DIAPH2: variants seen among roughly 807,000 people sequenced by gnomAD.
DIAPH2 encodes protein diaphanous homolog 2.
DIAPH2 carries 35 observed loss-of-function variants against 92.7 expected under a neutral mutation model. The observed-to-expected ratio is 0.38, with a 90% CI of 0.29 to 0.50. The LOEUF is 0.50. Ranked by LOEUF, DIAPH2 falls within the 20% of genes least tolerant of loss-of-function variation. The pLI, the probability that DIAPH2 is intolerant of heterozygous loss-of-function variation, is 0.94. For missense variants in DIAPH2, 701 were observed against 819.5 expected (o/e 0.86, Z 1.77); for synonymous variants, 301 against 280.4 (o/e 1.07, Z -0.73).
intron 4 of DIAPH2, among the ~76,000 whole-genome samples, chrX:96,815,705 G>A (rs776952957): frequency 1.1e-4 from 12 of 111,049 alleles, no homozygotes; most frequent in South Asian, 3.9e-4. Flanking sequence ...TCTCTCTGTC[G>A]CCAGGCTGGA....
intron 22 of DIAPH2, among the ~76,000 whole-genome samples, chrX:97,152,732 G>GC (rs1230470232): frequency 9.1e-6 from 1 of 109,755 alleles, no homozygotes; most frequent in Admixed American, 9.6e-5. Flanking sequence ...TGAGGGCAGA[G>GC]CCCTCATGAC....
At chrX:97,295,234 T>C (rs1211226997) in intron 23 of DIAPH2, among the ~76,000 whole-genome samples, 2 of 112,043 alleles carry the variant, frequency 1.8e-5, no homozygotes. Context: ...ATTATCATTT[T>C]TACCATTTGT....
intron 22 of DIAPH2, among the ~76,000 whole-genome samples, chrX:97,193,223 A>T (rs1254517418): frequency 5.5e-5 from 6 of 109,691 alleles, no homozygotes; most frequent in African/African-American, 2.0e-4. Flanking sequence ...CATGTTGGCC[A>T]GGCTGGCCTC....
chrX:97,575,340 G>A (rs912142852), intron 26 of DIAPH2, among the ~76,000 whole-genome samples: 3 of 112,480 alleles, frequency 2.7e-5, no homozygotes, highest in Non-Finnish European at 3.8e-5. Flanking sequence ...GAAGCATCAC[G>A]TTGATCTCTG....
intron 23 of DIAPH2, among the ~76,000 whole-genome samples, chrX:97,255,893 T>C (rs1223903679): frequency 8.9e-6 from 1 of 111,943 alleles, no homozygotes; most frequent in African/African-American, 3.2e-5. Flanking sequence ...TTACGTACAC[T>C]ATGAGCTACA....
At chrX:97,550,805 C>T (rs1048147301) in intron 26 of DIAPH2, among the ~76,000 whole-genome samples, 13 of 111,611 alleles carry the variant, frequency 1.2e-4, no homozygotes, top group African/African-American at 3.6e-4. Flanking sequence ...AACTACTCTT[C>T]TCTGGCTACT....
chrX:97,009,364 C>CAGG (rs2066208346), intron 17 of DIAPH2, among the ~76,000 whole-genome samples: 1 of 111,922 alleles, frequency 8.9e-6, no homozygotes, highest in Non-Finnish European at 1.9e-5. Flanking sequence ...AAATGTCATC[C>CAGG]AGGAGCCAAG....
chrX:97,334,998 C>CAAA lies in DIAPH2; in HGVS notation c.2845-13102_2845-13100dup, dbSNP rs746536131. ...TTCGTCTCAAAAAACAAAAACAAAA[C>CAAA]AAAAAAAAAAAAAAAAAAGAGGAAG... On this transcript the variant is annotated intron_variant, in intron 23 of 26. Coordinates refer to ENST00000324765, the MANE Select transcript of DIAPH2 (RefSeq NM_006729.5). Among the ~76,000 whole-genome samples the CAAA allele has an allele frequency of 4.8e-3, 151 of 31,446 alleles. 2 individuals carry two copies. The highest frequency in any genetic ancestry group is 0.012 in the East Asian group (6 of 484). The allele number at this position is 31,446 out of a possible 115,157, so 27.3% of individuals were successfully genotyped here. A position where few individuals can be genotyped will look rare whatever the true frequency, so the allele number is the denominator to read the frequency against.
chrX:96,781,954 T>G (rs780352301), intron 4 of DIAPH2, among the ~76,000 whole-genome samples: 2 of 111,699 alleles, frequency 1.8e-5, no homozygotes, highest in Admixed American at 9.5e-5. Flanking sequence ...GAAATAAAAT[T>G]AATACTGTTG....
chrX:97,473,346 T>A (rs7050113), intron 26 of DIAPH2, among the ~76,000 whole-genome samples: 1,334 of 110,309 alleles, frequency 0.012, 14 homozygotes, highest in African/African-American at 0.042. Context: ...TTAATTAATT[T>A]ATTTTTGAGA....
intron 26 of DIAPH2, among the ~76,000 whole-genome samples, chrX:97,500,793 TA>T (rs2070792078): frequency 1.1e-5 from 1 of 91,759 alleles, no homozygotes; most frequent in Non-Finnish European, 2.1e-5. Context: ...TATATATATA[TA>T]TATATATATC....
At chrX:96,753,016 A>G (rs183088755) in intron 3 of DIAPH2, among the ~76,000 whole-genome samples, 1 of 111,733 alleles carries the variant, frequency 8.9e-6, no homozygotes, top group Non-Finnish European at 1.9e-5. Context: ...AGTGTGTGCC[A>G]TTAAAAACTG....
chrX:97,517,471 T>A (rs2070957949), intron 26 of DIAPH2, among the ~76,000 whole-genome samples: 1 of 112,086 alleles, frequency 8.9e-6, no homozygotes, highest in South Asian at 3.8e-4. Flanking sequence ...TGAGAATCAT[T>A]GACAGAACCT....
intron 23 of DIAPH2, among the ~76,000 whole-genome samples, chrX:97,277,335 C>T (rs1178064733): frequency 2.8e-5 from 3 of 108,403 alleles, no homozygotes; most frequent in South Asian, 3.9e-4. Context: ...GAAACACTGT[C>T]GCAAAAAAAG....
At chrX:97,293,280 C>T (rs188180064) in intron 23 of DIAPH2, among the ~76,000 whole-genome samples, 982 of 74,239 alleles carry the variant, frequency 0.013, 6 homozygotes, top group Middle Eastern at 0.078. Context: ...GAGACGGAGT[C>T]TAGCTCTGTC....
chrX:97,247,080 G>C (rs894196209), intron 22 of DIAPH2, among the ~76,000 whole-genome samples: 9 of 112,064 alleles, frequency 8.0e-5, no homozygotes, highest in Non-Finnish European at 1.5e-4. Flanking sequence ...GGAAGGTGCA[G>C]AGAATGTTAG....
At chrX:97,050,515 T>G (rs1306382632) in intron 17 of DIAPH2, among the ~76,000 whole-genome samples, 14 of 108,752 alleles carry the variant, frequency 1.3e-4, no homozygotes, top group African/African-American at 4.6e-4. Context: ...TGTTTTTTTT[T>G]TTTTTTCCTC....
intron 17 of DIAPH2, among the ~76,000 whole-genome samples, chrX:97,063,154 T>A (rs750117732): frequency 1.6e-4 from 18 of 111,253 alleles, no homozygotes; most frequent in African/African-American, 5.5e-4. Flanking sequence ...GTTTCTGAAC[T>A]AAAGAAAATT....
chrX:96,749,959 A>T (rs2064176547), intron 3 of DIAPH2, among the ~76,000 whole-genome samples: 3 of 111,275 alleles, frequency 2.7e-5, no homozygotes, highest in African/African-American at 9.8e-5. Context: ...AGTAGGTTTG[A>T]AAAGGAGTTA....
Sources: gnomAD v4.1 joint callset for allele counts (sites outside exome capture counted in the v4.1 genomes callset) on GRCh38, gnomAD v4.1.1 for gene constraint, MANE v1.5 for transcripts, NCBI Gene and HGNC (gene_info 2026-07-23, HGNC 2026-07-21) for gene names.